The following PIAS1 variants were observed in gnomAD, a reference collection of about 807,000 sequenced individuals.
PIAS1 encodes the protein E3 SUMO-protein ligase PIAS1.
PIAS1 carries 6 observed loss-of-function variants against 71.3 expected under a neutral mutation model. That is an observed-to-expected ratio of 0.08 (90% CI 0.05 to 0.17). The LOEUF (loss-of-function observed/expected upper bound fraction) is 0.17, where lower values mean the gene tolerates loss of function less well. Ranked by LOEUF, PIAS1 falls within the 10% of genes least tolerant of loss-of-function variation. PIAS1 has a pLI of 1.00. For synonymous variants in PIAS1, 303 were observed against 292.9 expected (o/e 1.03, Z -0.35); for missense variants, 555 against 793.6 (o/e 0.70, Z 3.61).
chr15:68,087,069 A>G (rs1237272494), intron 2 of PIAS1, among the ~76,000 whole-genome samples: 1 of 152,216 alleles, frequency 6.6e-6, no homozygotes, highest in South Asian at 2.1e-4. Context: ...CAAATGAATC[A>G]CTACAAGTCT....
intron 8 of PIAS1, among the ~76,000 whole-genome samples, chr15:68,170,278 C>G (rs1208305395): frequency 2.0e-5 from 3 of 152,178 alleles, no homozygotes; most frequent in Non-Finnish European, 4.4e-5. Context: ...TGTGCTTACA[C>G]AAACCTAGAT....
At chr15:68,135,626 C>T (rs1381453037) in intron 2 of PIAS1, among the ~76,000 whole-genome samples, 2 of 69,128 alleles carry the variant, frequency 2.9e-5, no homozygotes, top group African/African-American at 7.4e-5. Context: ...GGGGGCTGAC[C>T]CCCCCACCTC....
intron 5 of PIAS1, 94 bp downstream of exon 5, chr15:68,146,000 A>T (rs2092805173): frequency 1.3e-6 from 1 of 798,762 alleles, no homozygotes. Flanking sequence ...TTTCCTTAAG[A>T]AAACATTTTT....
At chr15:68,124,489 A>G (rs1002476369) in intron 2 of PIAS1, among the ~76,000 whole-genome samples, 1 of 151,356 alleles carries the variant, frequency 6.6e-6, no homozygotes, top group Non-Finnish European at 1.5e-5. Context: ...TGGGAGGCCG[A>G]GGCTGGCGGA....
chr15:68,156,600 T>A (rs1316350477), intron 7 of PIAS1, among the ~76,000 whole-genome samples: 1 of 151,436 alleles, frequency 6.6e-6, no homozygotes, highest in Admixed American at 6.6e-5. Flanking sequence ...TCCCAGCTAC[T>A]CGGAAGGCTG....
At chr15:68,184,077 C>T (rs1475332570) in intron 13 of PIAS1, 1 of 153,966 alleles carries the variant, frequency 6.5e-6, no homozygotes, top group Non-Finnish European at 1.4e-5. Flanking sequence ...CCCAGTTTGC[C>T]ACATCTCTTG....
intron 2 of PIAS1, 79 bp from the exon 3 acceptor site, chr15:68,141,867 A>ATG (rs201408251): frequency 6.3e-3 from 4,668 of 735,572 alleles, no homozygotes; most frequent in Non-Finnish European, 8.1e-3. Context: ...AATTAAAGAC[A>ATG]TGTGTGTTTT....
intron 2 of PIAS1, among the ~76,000 whole-genome samples, chr15:68,099,259 CT>C (rs554957140): frequency 2.9e-3 from 379 of 132,484 alleles, no homozygotes; most frequent in Non-Finnish European, 3.2e-3. Flanking sequence ...ATATATATTT[CT>C]TTTTTTTTTT....
At chr15:68,153,429 A>G (rs1457166783) in intron 6 of PIAS1, among the ~76,000 whole-genome samples, 161 bp from the exon 7 acceptor site, 1 of 152,180 alleles carries the variant, frequency 6.6e-6, no homozygotes, top group Non-Finnish European at 1.5e-5. Context: ...CTTTTTGGTC[A>G]GGATTAAATG....
chr15:68,058,870 A>C (rs568731645), intron 1 of PIAS1, among the ~76,000 whole-genome samples: 2 of 152,328 alleles, frequency 1.3e-5, no homozygotes, highest in East Asian at 3.9e-4. Flanking sequence ...CATCATAAAA[A>C]GATACAACAC....
At chr15:68,112,134 G>T (rs1317905961) in intron 2 of PIAS1, among the ~76,000 whole-genome samples, 1 of 151,968 alleles carries the variant, frequency 6.6e-6, no homozygotes, top group African/African-American at 2.4e-5. Context: ...TCCGTTTACC[G>T]TATATGTTTT....
intron 1 of PIAS1, among the ~76,000 whole-genome samples, chr15:68,084,463 T>C (rs1008393832): frequency 2.0e-5 from 3 of 152,202 alleles, no homozygotes; most frequent in Admixed American, 2.0e-4. Context: ...CCTGCTGATA[T>C]TATAGTTAGT....
chr15:68,121,375 A>G (rs1387295970), intron 2 of PIAS1, among the ~76,000 whole-genome samples: 2 of 147,036 alleles, frequency 1.4e-5, no homozygotes, highest in South Asian at 2.1e-4. Context: ...TGTTCTATAT[A>G]TTTCCTTTGT....
chr15:68,120,081 TACAGG>T (rs1287687492), intron 2 of PIAS1, among the ~76,000 whole-genome samples: 8 of 152,240 alleles, frequency 5.3e-5, no homozygotes, highest in Non-Finnish European at 1.0e-4. Flanking sequence ...TAGGTGGGAC[TACAGG>T]CCCATGCCAC....
intron 7 of PIAS1, 89 bp from the exon 8 acceptor site, chr15:68,164,642 A>T: frequency 1.5e-6 from 1 of 668,650 alleles, no homozygotes; most frequent in Admixed American, 2.6e-5. Flanking sequence ...AGATTTGTTT[A>T]AGCTTTTTAT....
chr15:68,180,807 G>A (rs1043825512), intron 11 of PIAS1, among the ~76,000 whole-genome samples: 2 of 152,160 alleles, frequency 1.3e-5, no homozygotes, highest in Non-Finnish European at 2.9e-5. Flanking sequence ...TAGGGCATAC[G>A]TATGCTTCTT....
At chr15:68,091,834 A>T (rs2092334301) in intron 2 of PIAS1, among the ~76,000 whole-genome samples, 1 of 152,234 alleles carries the variant, frequency 6.6e-6, no homozygotes, top group Non-Finnish European at 1.5e-5. Flanking sequence ...TTTATTGAAT[A>T]TCGTACTGAA....
chr15:68,060,024 G>C (rs1026905499), intron 1 of PIAS1, among the ~76,000 whole-genome samples: 4 of 152,170 alleles, frequency 2.6e-5, no homozygotes, highest in African/African-American at 9.7e-5. Flanking sequence ...TGTGAGATAA[G>C]ATTATTAAAT....
chr15:68,132,481 A>G (rs1428508723), intron 2 of PIAS1, among the ~76,000 whole-genome samples: 1 of 152,102 alleles, frequency 6.6e-6, no homozygotes, highest in Non-Finnish European at 1.5e-5. Flanking sequence ...TCTCTAAAAA[A>G]AAAAGGAAAC....
Sources: allele counts gnomAD v4.1 joint callset (sites outside exome capture counted in the v4.1 genomes callset), GRCh38; gene constraint gnomAD v4.1.1; transcripts MANE v1.5; gene names NCBI Gene and HGNC (gene_info 2026-07-23, HGNC 2026-07-21).